The following SEC16B variants were observed in gnomAD, a reference collection of about 807,000 sequenced individuals.
SEC16B encodes SEC16 homolog B, endoplasmic reticulum export factor, also known as protein transport protein Sec16B.
In SEC16B, 115 loss-of-function variants were observed where a neutral mutation model predicts 141.8. That is an observed-to-expected ratio of 0.81 (90% CI 0.70 to 0.95). SEC16B has a LOEUF of 0.95. Among genes scored for constraint, SEC16B ranks in the 40% least tolerant of loss-of-function variants. The pLI, the probability that SEC16B is intolerant of heterozygous loss-of-function variation, is 0.00. For missense variants in SEC16B, 1,291 were observed against 1,312.3 expected (o/e 0.98, Z 0.25); for synonymous variants, 493 against 492.5 (o/e 1.00, Z -0.01).
chr1:177,952,689 T>C (rs576540138), intron 11 of SEC16B, among the ~76,000 whole-genome samples: 1 of 152,342 alleles, frequency 6.6e-6, no homozygotes, highest in Admixed American at 6.5e-5. Flanking sequence ...CAAAAATCTG[T>C]AGCAGAGATG....
At position 177,929,097 on chromosome 1, in the gene SEC16B, A is replaced by G. The variant is rs1400180850; in HGVS notation, c.*761T>C. 1 of 152,630 alleles carries G rather than the reference A, an allele frequency of 6.6e-6. No homozygotes were observed. The allele number at this position is 152,630 out of a possible 1,614,324, so 9.5% of individuals were successfully genotyped here. A position where few individuals can be genotyped will look rare whatever the true frequency, so the allele number is the denominator to read the frequency against. On this transcript the variant is annotated 3_prime_UTR_variant, in exon 26 of 26. Transcript: ENST00000308284. ...TCATTCTTCCCCTCTTATGAAAGGG[A>G]TGAATTTTTAGGAACCGTTTTCCAT...
chr1:177,947,962 AT>A lies in SEC16B; in HGVS notation c.1546-21del. On this transcript the variant is annotated intron_variant, in intron 12 of 25. Transcript: ENST00000308284. ...ACAACACTGAAAAGCACCAGAAAAA[AT>A]AAATGTACAATCATTTAAGAATGGC... The A allele has an allele frequency of 6.7e-7, 1 of 1,490,142 alleles. No homozygotes were observed. The highest frequency in any genetic ancestry group is 9.2e-7 in the Non-Finnish European group (1 of 1,090,518). The allele number at this position is 1,490,142 out of a possible 1,614,324, so 92.3% of individuals were successfully genotyped here.
intron 2 of SEC16B, among the ~76,000 whole-genome samples, chr1:177,966,390 T>C (rs1653521473): frequency 6.6e-6 from 1 of 152,166 alleles, no homozygotes; most frequent in Non-Finnish European, 1.5e-5. Flanking sequence ...AAGTCTCCAA[T>C]ACACCACCGT....
In SEC16B at chr1:177,967,967, A is replaced by C. The variant is rs1043209423; in HGVS notation, c.15T>G (p.Ala5=). Residue 5 remains alanine, a synonymous_variant, in exon 2 of 26, where the codon GCT becomes GCG. Transcript: ENST00000308284. MELW[A]PQRLPQTRGK... The stretch of plus-strand genomic sequence containing the variant: ...CTCGTGTCTGGGGCAGCCTCTGGGG[A>C]GCCCAAAGTTCCATCCTTGACTCTC... 1.9e-6 allele frequency: 3 copies of C among 1,605,014 alleles called. No homozygotes were observed. The highest frequency in any genetic ancestry group is 2.6e-6 in the Non-Finnish European group (3 of 1,172,964).
intron 1 of SEC16B, among the ~76,000 whole-genome samples, chr1:177,984,002 G>C (rs1449209409): frequency 3.3e-5 from 5 of 152,172 alleles, no homozygotes; most frequent in Non-Finnish European, 5.9e-5. Context: ...GCTGAAGTTA[G>C]TTTTTTCAAG....
chr1:177,942,465 TGAGACCAGCC>T (rs1383372702), intron 15 of SEC16B, among the ~76,000 whole-genome samples: 9 of 152,100 alleles, frequency 5.9e-5, no homozygotes, highest in Non-Finnish European at 1.0e-4. Flanking sequence ...GTCAGGAGTT[TGAGACCAGCC>T]TGGCCAACAT....
intron 3 of SEC16B, among the ~76,000 whole-genome samples, chr1:177,965,626 A>T (rs954579811): frequency 6.6e-6 from 1 of 152,222 alleles, no homozygotes; most frequent in Non-Finnish European, 1.5e-5. Flanking sequence ...CTGGGCTATA[A>T]GGCAAAGTAG....
At chr1:177,982,668 A>G (rs4650987) in intron 1 of SEC16B, among the ~76,000 whole-genome samples, 55,437 of 152,144 alleles carry the variant, frequency 0.36, 12,666 homozygotes, top group African/African-American at 0.64. Flanking sequence ...CTGCATGGCC[A>G]CCAATGGTGG....
At chr1:177,952,486 A>G (rs953014599) in intron 11 of SEC16B, among the ~76,000 whole-genome samples, 3 of 152,318 alleles carry the variant, frequency 2.0e-5, no homozygotes, top group East Asian at 3.9e-4. Context: ...TTTGCTCACA[A>G]GCGCTAAATA....
At position 177,958,974 on chromosome 1, in the gene SEC16B, C is replaced by T. The variant is rs770706455; in HGVS notation, c.1000G>A (p.Glu334Lys). Reference sequence around the variant, plus strand: ...ATAATATCCACCTTATGTACATCTTCCCTACATGGAAAAAATTTAGGGAGC... The same window carrying T: ...ATAATATCCACCTTATGTACATCTTTCCTACATGGAAAAAATTTAGGGAGC... ...MRSFSGPLIR[E>K]DVHKVDIMTF... is the part of the protein sequence containing the mutation. The change falls in exon 9 of 26, where the codon GAA (glutamate) becomes AAA (lysine). Residue 334 changes from glutamate to lysine, a missense_variant and splice_region_variant. Coordinates refer to ENST00000308284, the MANE Select transcript of SEC16B (RefSeq NM_033127.4). 24 of 1,612,276 alleles carry T rather than the reference C, an allele frequency of 1.5e-5. No homozygotes were observed. The South Asian group carries it at 2.5e-4, about 17-fold the overall frequency.
Position 177,946,615 on chromosome 1 carries a change from A to T in SEC16B, c.1664-84T>A, listed in dbSNP as rs1651736845. 4.9e-6 allele frequency: 5 copies of T among 1,030,764 alleles called. No homozygotes were observed. In the Admixed American group the frequency reaches 1.1e-4, roughly 22 times the overall value. 63.9% of individuals were successfully genotyped at this position (1,030,764 alleles called of 1,614,324 possible). A position where few individuals can be genotyped will look rare whatever the true frequency, so the allele number is the denominator to read the frequency against. On this transcript the variant is annotated intron_variant, in intron 13 of 25. Coordinates refer to ENST00000308284, the MANE Select transcript of SEC16B (RefSeq NM_033127.4). ...TCTGGGTGGGATGGGAGACAGATGG[A>T]AGAGTGGCCTCGGGGGTCAGAGGGG...
At chr1:177,938,399 A>C (rs1474007584) in intron 18 of SEC16B, among the ~76,000 whole-genome samples, 1 of 152,342 alleles carries the variant, frequency 6.6e-6, no homozygotes, top group East Asian at 1.9e-4. Flanking sequence ...ACATTAGTTC[A>C]TTATCCATGT....
At position 177,930,556 on chromosome 1, in the gene SEC16B, G is replaced by C. The variant is rs1650340602; in HGVS notation, c.3100C>G (p.Gln1034Glu). ...GAGGGCTTCCTTACCTGAGGCACCTGAGATGGGTTGTAAAGAGGAACAGCC... is the reference window on the plus strand; with the variant it reads ...GAGGGCTTCCTTACCTGAGGCACCTCAGATGGGTTGTAAAGAGGAACAGCC... Reference protein sequence around the residue: ...KGAVPLYNPSQVPQLPTATSL... With the variant: ...KGAVPLYNPSEVPQLPTATSL... The change falls in exon 25 of 26, where the codon CAG becomes GAG. Residue 1034 changes from glutamine (Q) to glutamate (E), a missense_variant. Transcript: ENST00000308284. 8 of 1,613,398 alleles carry C rather than the reference G, an allele frequency of 5.0e-6. No individual in the cohort carries two copies. The highest frequency in any genetic ancestry group is 6.8e-6 in the Non-Finnish European group (8 of 1,179,542).
chr1:177,968,674 T>C (rs941895884), intron 1 of SEC16B, among the ~76,000 whole-genome samples: 4 of 152,116 alleles, frequency 2.6e-5, no homozygotes, highest in African/African-American at 9.7e-5. Flanking sequence ...CTGAAGATGT[T>C]TATTAAACAA....
At chr1:177,954,546 A>G (rs1652451397) in intron 10 of SEC16B, among the ~76,000 whole-genome samples, 170 bp from the exon 11 acceptor site, 1 of 152,176 alleles carries the variant, frequency 6.6e-6, no homozygotes, top group Admixed American at 6.5e-5. Flanking sequence ...CTAGCACAGT[A>G]TTTTTCTCTA....
intron 14 of SEC16B, chr1:177,946,053 G>A: frequency 2.0e-6 from 1 of 504,892 alleles, no homozygotes; most frequent in South Asian, 2.9e-5. Context: ...CTCAGAACAG[G>A]CCCAGGGCTG....
chr1:177,929,919 G>A lies in SEC16B; in HGVS notation c.3122C>T (p.Ala1041Val). 1 of 1,613,860 alleles carries A rather than the reference G, an allele frequency of 6.2e-7. No individual in the cohort carries two copies. The highest frequency in any genetic ancestry group is 1.1e-5 in the South Asian group (1 of 91,026). Residue 1041 changes from alanine (A) to valine (V), a missense_variant, in exon 26 of 26, where the codon GCC becomes GTC. This residue lies in a region of SEC16B where 605 missense variants were observed against 614.1 expected (regional missense o/e 0.99). Coordinates refer to ENST00000308284, the MANE Select transcript of SEC16B (RefSeq NM_033127.4). ...NPSQVPQLPT[A>V]TSLNRPNRLA... is the part of the protein sequence containing the mutation. ...GCGATTTGGCCGATTCAGGCTAGTGGCCGTGGGCAGCTGGAAAAGAAGAAC... is the reference window on the plus strand; with the variant it reads ...GCGATTTGGCCGATTCAGGCTAGTGACCGTGGGCAGCTGGAAAAGAAGAAC...
At chr1:177,964,106 A>T in intron 5 of SEC16B, 65 bp downstream of exon 5, 1 of 1,193,642 alleles carries the variant, frequency 8.4e-7, no homozygotes, top group Non-Finnish European at 1.2e-6. Context: ...CTGTTCTGCC[A>T]CTGCTGACAG....
chr1:177,940,727 T>G lies in SEC16B; in HGVS notation c.2023-13A>C. The G allele has an allele frequency of 6.2e-7, 1 of 1,602,162 alleles. No homozygotes were observed. Among genetic ancestry groups the G allele is most frequent in the Non-Finnish European group, 8.5e-7 (1 of 1,170,396 alleles). ...GTTTCTCTGCTAGCTGTGCCAGGTTTCCAGATGGGTTAGGGGCAGAAAGTA... is the reference window on the plus strand; with the variant it reads ...GTTTCTCTGCTAGCTGTGCCAGGTTGCCAGATGGGTTAGGGGCAGAAAGTA... On this transcript the variant is annotated splice_polypyrimidine_tract_variant and intron_variant, in intron 16 of 25. Transcript: ENST00000308284.
Sources: allele counts gnomAD v4.1 joint callset (sites outside exome capture counted in the v4.1 genomes callset), GRCh38; gene constraint gnomAD v4.1.1; regional missense constraint gnomAD v4.1.1; transcripts MANE v1.5; gene names NCBI Gene and HGNC (gene_info 2026-07-23, HGNC 2026-07-21).